The following INTS6L variants were observed in gnomAD, a reference collection of about 807,000 sequenced individuals.
INTS6L encodes integrator complex subunit 6-like.
Under a neutral mutation model 64.7 loss-of-function variants are expected in INTS6L, and 18 were observed. That is an observed-to-expected ratio of 0.28 (90% CI 0.19 to 0.41). The LOEUF is 0.41. INTS6L is among the 10% of genes least tolerant of loss of function. The pLI is 1.00. For synonymous variants in INTS6L, 227 were observed against 235.9 expected (o/e 0.96, Z 0.34); for missense variants, 533 against 661.0 (o/e 0.81, Z 2.12).
At chrX:135,554,883 CTTTTTTTTTTTTTT>C (rs35845600) in intron 8 of INTS6L, among the ~76,000 whole-genome samples, 1 of 50,472 alleles carries the variant, frequency 2.0e-5, no homozygotes, top group Non-Finnish European at 3.1e-5. Flanking sequence ...ACCAGCATAA[CTTTTTTTTTTTTTT>C]TTTTTTTTTT....
At position 135,520,961 on chromosome X, in the gene INTS6L, A is replaced by C. The variant is rs1556495881; in HGVS notation, c.-32A>C. On this transcript the variant is annotated 5_prime_UTR_variant, in exon 1 of 18. Coordinates refer to ENST00000639893, the MANE Select transcript of INTS6L (RefSeq NM_001351601.3). ...GCAGTGAGGGCAAGAGGGCCGGGAG[A>C]GTGGGGAGCGGAGGCAGGAGTGCGG... The C allele has an allele frequency of 8.4e-7, 1 of 1,187,274 alleles. No homozygotes were observed. The highest frequency in any genetic ancestry group is 1.1e-6 in the Non-Finnish European group (1 of 876,584).
At position 135,572,957 on chromosome X, in the gene INTS6L, C is replaced by T; in HGVS notation, c.1541C>T (p.Thr514Ile). ...TTTAGAAAACTATTGAAAGAAATCACAGGGGAAACTGCACTTAGACTGACA... is the reference window on the plus strand; with the variant it reads ...TTTAGAAAACTATTGAAAGAAATCATAGGGGAAACTGCACTTAGACTGACA... Reference protein sequence around the residue: ...KNFRKLLKEITGETALRLTEL... With the variant: ...KNFRKLLKEIIGETALRLTEL... The change falls in exon 12 of 18, where the codon ACA (threonine) becomes ATA (isoleucine). Residue 514 changes from threonine to isoleucine, a missense_variant. Coordinates refer to ENST00000639893, the MANE Select transcript of INTS6L (RefSeq NM_001351601.3). 8.3e-7 allele frequency: 1 copy of T among 1,211,431 alleles called. No homozygotes were observed. The highest frequency in any genetic ancestry group is 1.1e-6 in the Non-Finnish European group (1 of 895,202).
intron 9 of INTS6L, among the ~76,000 whole-genome samples, chrX:135,563,242 T>C (rs2086833926): frequency 9.0e-6 from 1 of 111,205 alleles, no homozygotes. Flanking sequence ...ATAGAAACTT[T>C]ATCTCTCATT....
chrX:135,521,612 T>C (rs1434150482), intron 2 of INTS6L, among the ~76,000 whole-genome samples: 17 of 109,671 alleles, frequency 1.6e-4, no homozygotes, highest in Non-Finnish European at 2.1e-4. Context: ...TTTGCTTTTG[T>C]ATGAGCCTGC....
In INTS6L at chrX:135,545,570, C is replaced by G; in HGVS notation, c.337C>G (p.Gln113Glu). The G allele has an allele frequency of 2.5e-6, 3 of 1,196,322 alleles. No individual in the cohort carries two copies. Among genetic ancestry groups the G allele is most frequent in the Non-Finnish European group, 3.4e-6 (3 of 888,612 alleles). ...RLISGIDNYGQGRNPFFLEPS... is the reference protein window; with the variant it reads ...RLISGIDNYGEGRNPFFLEPS... ...AATATCTGGAATAGACAATTATGGA[C>G]AGGTAAAAATAATTTGAGTGAGTAC... Residue 113 changes from glutamine to glutamate, a missense_variant and splice_region_variant, in exon 3 of 18, where the codon CAG (glutamine) becomes GAG (glutamate). Coordinates refer to ENST00000639893, the MANE Select transcript of INTS6L (RefSeq NM_001351601.3).
At chrX:135,547,895 A>G (rs1210498438) in intron 6 of INTS6L, among the ~76,000 whole-genome samples, 1 of 111,490 alleles carries the variant, frequency 9.0e-6, no homozygotes, top group African/African-American at 3.3e-5. Context: ...TTGTGAATGG[A>G]TGTTTGTAAT....
intron 2 of INTS6L, among the ~76,000 whole-genome samples, chrX:135,544,464 A>G (rs899165346): frequency 9.0e-6 from 1 of 110,814 alleles, no homozygotes; most frequent in African/African-American, 3.3e-5. Flanking sequence ...TTCCACCTCT[A>G]GCTGTACTGG....
chrX:135,579,456 G>A (rs1171089365), intron 15 of INTS6L, among the ~76,000 whole-genome samples: 2 of 111,834 alleles, frequency 1.8e-5, no homozygotes, highest in Non-Finnish European at 3.8e-5. Flanking sequence ...ATGTGAATTT[G>A]AGAAATCATG....
chrX:135,523,402 C>CAAAAAA (rs782434658), intron 2 of INTS6L, among the ~76,000 whole-genome samples: 6 of 36,966 alleles, frequency 1.6e-4, no homozygotes, highest in Admixed American at 1.0e-3. Context: ...ACTCTGTCGT[C>CAAAAAA]AAAAAAAAAA....
intron 2 of INTS6L, among the ~76,000 whole-genome samples, chrX:135,530,529 T>G (rs1431843138): frequency 1.8e-5 from 2 of 112,553 alleles, no homozygotes; most frequent in Non-Finnish European, 3.8e-5. Context: ...GCTTTTCTTA[T>G]GAGGAAAAGA....
At chrX:135,531,685 G>T (rs1556505343) in intron 2 of INTS6L, among the ~76,000 whole-genome samples, 1 of 111,373 alleles carries the variant, frequency 9.0e-6, no homozygotes. Context: ...GCTAACTTTC[G>T]AAAAAAGTTG....
In INTS6L at chrX:135,549,723, G is replaced by T; in HGVS notation, c.824G>T (p.Arg275Leu). The change falls in exon 7 of 18, where the codon CGA becomes CTA. Residue 275 changes from arginine (R) to leucine (L), a missense_variant. Physicochemically the swap from Arg to Leu is moderately radical, Grantham distance 102. Coordinates refer to ENST00000639893, the MANE Select transcript of INTS6L (RefSeq NM_001351601.3). ...WHSCHKLIYV[R>L]PNSKTGVPVG... ...AGTTGTCATAAACTCATTTATGTAC[G>T]ACCTAACTCTAAAACTGGTGTTCCT... is the stretch of plus-strand genomic sequence containing the variant. 8.3e-7 allele frequency: 1 copy of T among 1,211,666 alleles called. No individual in the cohort carries two copies. The highest frequency in any genetic ancestry group is 3.0e-5 in the East Asian group (1 of 33,863).
Sources: gnomAD v4.1 joint callset for allele counts (sites outside exome capture counted in the v4.1 genomes callset) on GRCh38, gnomAD v4.1.1 for gene constraint, MANE v1.5 for transcripts, NCBI Gene and HGNC (gene_info 2026-07-23, HGNC 2026-07-21) for gene names.